COG5: variants seen among roughly 807,000 people sequenced by gnomAD.
COG5 encodes component of oligomeric golgi complex 5.
In COG5, 86 loss-of-function variants were observed where a neutral mutation model predicts 110.4. The observed-to-expected ratio is 0.78, with a 90% confidence interval of 0.65 to 0.93. The LOEUF is 0.93. Ranked by LOEUF, COG5 falls within the 40% of genes least tolerant of loss-of-function variation. COG5 has a pLI of 0.00. For synonymous variants in COG5, 360 were observed against 334.6 expected (o/e 1.08, Z -0.83); for missense variants, 1,077 against 987.0 (o/e 1.09, Z -1.22).
intron 12 of COG5, among the ~76,000 whole-genome samples, chr7:107,295,825 T>G (rs1806691480): frequency 6.6e-6 from 1 of 152,224 alleles, no homozygotes; most frequent in Non-Finnish European, 1.5e-5. Flanking sequence ...TGAGTCTTGC[T>G]TTGTCACCCA....
chr7:107,295,066 C>CACATAT (rs1366898060), intron 12 of COG5, among the ~76,000 whole-genome samples: 65 of 45,828 alleles, frequency 1.4e-3, no homozygotes, highest in East Asian at 4.2e-3. Flanking sequence ...CACACACACA[C>CACATAT]ATATATATAT....
chr7:107,236,627 T>C lies in COG5; in HGVS notation c.1914A>G (p.Gln638=), dbSNP rs778873140. Residue 638 remains glutamine (Q), a synonymous_variant, in exon 18 of 22, where the codon CAA becomes CAG. Coordinates refer to ENST00000297135, the MANE Select transcript of COG5 (RefSeq NM_006348.5). ...CACTCATAACTCTGGCAATGAAACCTTGTAGCTCCTTCATGTACAGAGAAC... is the reference window on the plus strand; with the variant it reads ...CACTCATAACTCTGGCAATGAAACCCTGTAGCTCCTTCATGTACAGAGAAC... ...VPCSLYMKEL[Q]GFIARVMSDY... 2.5e-6 allele frequency: 4 copies of C among 1,614,154 alleles called. No homozygotes were observed. The highest frequency in any genetic ancestry group is 2.2e-5 in the South Asian group (2 of 91,082).
At chr7:107,239,028 T>C (rs951579062) in intron 17 of COG5, among the ~76,000 whole-genome samples, 1 of 152,224 alleles carries the variant, frequency 6.6e-6, no homozygotes, top group Non-Finnish European at 1.5e-5. Context: ...GTCTGAGCTC[T>C]TGGGATCAAA....
chr7:107,558,812 C>T (rs1202135261), intron 1 of COG5, among the ~76,000 whole-genome samples: 3 of 143,086 alleles, frequency 2.1e-5, no homozygotes, highest in Non-Finnish European at 3.0e-5. Flanking sequence ...GGCGTGAACC[C>T]GGGAGGCGGA....
At chr7:107,204,614 T>C (rs1442792669) in intron 21 of COG5, among the ~76,000 whole-genome samples, 2 of 152,240 alleles carry the variant, frequency 1.3e-5, no homozygotes, top group African/African-American at 4.8e-5. Flanking sequence ...AGTGGTTTTC[T>C]TTTGCTCTCA....
intron 7 of COG5, among the ~76,000 whole-genome samples, chr7:107,378,973 A>C (rs898929663): frequency 3.9e-5 from 6 of 152,188 alleles, no homozygotes; most frequent in African/African-American, 1.4e-4. Flanking sequence ...TAGTTGTCAG[A>C]TTCACCAAAG....
chr7:107,475,421 A>G, intron 6 of COG5: 1 of 783,498 alleles, frequency 1.3e-6, no homozygotes, highest in Non-Finnish European at 2.0e-6. Context: ...TAAATTGTAA[A>G]AACTGATATT....
intron 11 of COG5, among the ~76,000 whole-genome samples, chr7:107,324,065 T>C (rs973706504): frequency 5.9e-5 from 9 of 152,220 alleles, no homozygotes; most frequent in Non-Finnish European, 1.2e-4. Flanking sequence ...GCAAAGCCTC[T>C]GTATTTTTAT....
chr7:107,396,783 T>A (rs1791048742), intron 7 of COG5, among the ~76,000 whole-genome samples: 1 of 152,180 alleles, frequency 6.6e-6, no homozygotes, highest in African/African-American at 2.4e-5. Context: ...ATACACAGAA[T>A]AACATATTCC....
At chr7:107,422,750 A>G (rs1275446209) in intron 6 of COG5, among the ~76,000 whole-genome samples, 1 of 146,506 alleles carries the variant, frequency 6.8e-6, no homozygotes, top group Non-Finnish European at 1.5e-5. Context: ...GTGTGGATGT[A>G]TCTTTAAAGC....
intron 5 of COG5, among the ~76,000 whole-genome samples, chr7:107,534,360 G>A (rs1047071001): frequency 2.0e-5 from 3 of 151,174 alleles, no homozygotes; most frequent in Non-Finnish European, 4.4e-5. Flanking sequence ...CAATTAAAAG[G>A]CACAGACTGG....
chr7:107,250,754 T>C (rs1018859473), intron 16 of COG5, among the ~76,000 whole-genome samples: 2 of 152,102 alleles, frequency 1.3e-5, no homozygotes, highest in Non-Finnish European at 2.9e-5. Flanking sequence ...ATTGACGGGA[T>C]AGGCTTCGTA....
chr7:107,354,684 A>C (rs1438084362), intron 10 of COG5, among the ~76,000 whole-genome samples: 2 of 152,212 alleles, frequency 1.3e-5, no homozygotes, highest in Non-Finnish European at 2.9e-5. Context: ...CTCAACAACA[A>C]CAACAACAAA....
At chr7:107,402,810 A>T (rs1791537266) in intron 7 of COG5, among the ~76,000 whole-genome samples, 1 of 152,228 alleles carries the variant, frequency 6.6e-6, no homozygotes, top group African/African-American at 2.4e-5. Flanking sequence ...CATCCCCAGA[A>T]GATGTGCTCT....
At chr7:107,475,399 G>A in intron 6 of COG5, 2 of 966,404 alleles carry the variant, frequency 2.1e-6, no homozygotes, top group Non-Finnish European at 3.0e-6. Context: ...ACATTCAAAT[G>A]AGTTTTAAAT....
At chr7:107,333,282 T>C (rs1325530856) in intron 10 of COG5, among the ~76,000 whole-genome samples, 1 of 152,168 alleles carries the variant, frequency 6.6e-6, no homozygotes, top group East Asian at 1.9e-4. Context: ...TTTCTCTTTG[T>C]TGAAAAATAG....
intron 19 of COG5, among the ~76,000 whole-genome samples, chr7:107,228,061 G>A (rs1800489148): frequency 6.6e-6 from 1 of 152,106 alleles, no homozygotes; most frequent in African/African-American, 2.4e-5. Context: ...GCAGTCTGGG[G>A]GGCTGAGGCG....
chr7:107,203,943 T>C (rs1022992387), intron 21 of COG5, among the ~76,000 whole-genome samples: 5 of 152,160 alleles, frequency 3.3e-5, no homozygotes, highest in African/African-American at 7.2e-5. Flanking sequence ...GCTTCCCTAC[T>C]GAAGACACCG....
chr7:107,554,430 G>A (rs1803149334), intron 2 of COG5, 88 bp from the exon 3 acceptor site: 4 of 1,154,076 alleles, frequency 3.5e-6, no homozygotes, highest in African/African-American at 1.5e-5. Flanking sequence ...CTCTCTTGGT[G>A]TAGAAACGAG....
Sources: gnomAD v4.1 joint callset for allele counts (sites outside exome capture counted in the v4.1 genomes callset) on GRCh38, gnomAD v4.1.1 for gene constraint, MANE v1.5 for transcripts, NCBI Gene and HGNC (gene_info 2026-07-23, HGNC 2026-07-21) for gene names.